Variants in WDFY3 observed in about 807,000 individuals in gnomAD.
The protein encoded by WDFY3 is WD repeat and FYVE domain containing 3, also known as WD repeat and FYVE domain-containing protein 3.
A neutral mutation model predicts 409.6 loss-of-function variants in WDFY3; 66 were observed. The ratio of observed to expected loss-of-function variants is 0.16; its 90% CI spans 0.13 to 0.20. The LOEUF is 0.20. Among genes scored for constraint, WDFY3 ranks in the 10% least tolerant of loss-of-function variants. WDFY3 has a pLI of 1.00. For missense variants in WDFY3, 3,031 were observed against 4,298.1 expected (o/e 0.71, Z 8.24); for synonymous variants, 1,521 against 1,537.1 (o/e 0.99, Z 0.25).
chr4:84,781,195 A>G (rs1746442190), intron 25 of WDFY3, among the ~76,000 whole-genome samples: 1 of 151,504 alleles, frequency 6.6e-6, no homozygotes, highest in African/African-American at 2.4e-5. Flanking sequence ...AAGTTTATAG[A>G]AACACAGTCC....
intron 32 of WDFY3, among the ~76,000 whole-genome samples, chr4:84,763,536 T>C (rs1364062626): frequency 6.6e-6 from 1 of 151,170 alleles, no homozygotes; most frequent in Admixed American, 6.6e-5. Flanking sequence ...ATCCCAGAAA[T>C]TAAAGTAAAA....
chr4:84,850,060 T>G, intron 4 of WDFY3, 35 bp from the exon 5 acceptor site: 1 of 1,538,532 alleles, frequency 6.5e-7, no homozygotes, highest in Middle Eastern at 1.8e-4. Context: ...AATGAAGCAC[T>G]GACAAATTTT....
At chr4:84,786,582 G>C (rs920211863) in intron 23 of WDFY3, among the ~76,000 whole-genome samples, 1 of 152,174 alleles carries the variant, frequency 6.6e-6, no homozygotes, top group Non-Finnish European at 1.5e-5. Context: ...ATTAATAAAG[G>C]CATGTGTTTT....
intron 3 of WDFY3, among the ~76,000 whole-genome samples, chr4:84,881,881 CAA>C (rs1360342578): frequency 8.5e-5 from 10 of 117,638 alleles, no homozygotes; most frequent in Admixed American, 2.6e-4. Flanking sequence ...ACCCTGTCTC[CAA>C]AAAAAAAAAA....
chr4:84,756,330 A>G (rs528826915), intron 33 of WDFY3, among the ~76,000 whole-genome samples: 1 of 152,232 alleles, frequency 6.6e-6, no homozygotes, highest in Non-Finnish European at 1.5e-5. Context: ...CGCGCCTGTA[A>G]TCCCAGCACT....
At position 84,919,429 on chromosome 4, in the gene WDFY3, T is replaced by C. The variant is rs181973043; in HGVS notation, c.-132+12841A>G. On this transcript the variant is annotated intron_variant, in intron 2 of 67. Transcript: ENST00000295888. ...GTTATGAGGAGCTGTATATTTTAAC[T>C]GTCTTAAAGTGTCTCCCTCCCAGTA... 5.9e-5 allele frequency among the ~76,000 whole-genome samples: 9 copies of C among 152,084 alleles called. 1 individual carries two copies. Among genetic ancestry groups the C allele is most frequent in the Admixed American group, 4.6e-4 (7 of 15,268 alleles).
chr4:84,854,703 C>T (rs1332715988), intron 4 of WDFY3, among the ~76,000 whole-genome samples: 2 of 152,036 alleles, frequency 1.3e-5, no homozygotes, highest in Non-Finnish European at 2.9e-5. Flanking sequence ...TGAGGTCAGG[C>T]GTTGAGACCA....
intron 10 of WDFY3, among the ~76,000 whole-genome samples, chr4:84,823,233 T>C (rs1371043174): frequency 6.6e-6 from 1 of 152,160 alleles, no homozygotes; most frequent in Non-Finnish European, 1.5e-5. Context: ...TCTTGGCACA[T>C]TCAGATACCC....
At chr4:84,781,392 G>GTTTTTTTT (rs1299711060) in intron 25 of WDFY3, among the ~76,000 whole-genome samples, 6 of 126,972 alleles carry the variant, frequency 4.7e-5, no homozygotes, top group Non-Finnish European at 6.9e-5. Flanking sequence ...TTTCCCTTTT[G>GTTTTTTTT]TTTTTTTTTT....
At chr4:84,727,410 T>C (rs138353454) in intron 44 of WDFY3, among the ~76,000 whole-genome samples, 135 of 152,282 alleles carry the variant, frequency 8.9e-4, no homozygotes, top group Admixed American at 1.4e-3. Context: ...CATCATTCTC[T>C]TTAAGAATCC....
At chr4:84,862,178 A>G (rs140472361) in intron 3 of WDFY3, among the ~76,000 whole-genome samples, 75 of 152,378 alleles carry the variant, frequency 4.9e-4, no homozygotes, top group African/African-American at 1.7e-3. Flanking sequence ...GACTACGGGC[A>G]TATGCTGAGG....
chr4:84,784,757 G>C (rs1747165267), intron 24 of WDFY3, among the ~76,000 whole-genome samples: 1 of 149,934 alleles, frequency 6.7e-6, no homozygotes, highest in Admixed American at 6.7e-5. Flanking sequence ...AGAATCACTT[G>C]AACCCAGGAG....
chr4:84,918,832 TATATATACACACACACAC>T (rs1166026319), intron 2 of WDFY3, among the ~76,000 whole-genome samples: 1 of 150,484 alleles, frequency 6.6e-6, no homozygotes, highest in Non-Finnish European at 1.5e-5. Context: ...TATATAGATA[TATATATACACACACACAC>T]ATATATATAT....
At chr4:84,751,788 A>G (rs142125097) in intron 35 of WDFY3, 72 bp from the exon 36 acceptor site, 12 of 1,529,546 alleles carry the variant, frequency 7.8e-6, no homozygotes, top group Non-Finnish European at 9.9e-6. Flanking sequence ...GTTTCCTAAA[A>G]ATAAAACTGG....
intron 44 of WDFY3, among the ~76,000 whole-genome samples, chr4:84,729,210 C>T (rs1010484934): frequency 7.2e-5 from 11 of 151,754 alleles, no homozygotes; most frequent in African/African-American, 2.7e-4. Flanking sequence ...GAATTAAAGC[C>T]TAGTTAATAT....
At chr4:84,913,961 T>C (rs534146789) in intron 2 of WDFY3, among the ~76,000 whole-genome samples, 1 of 152,252 alleles carries the variant, frequency 6.6e-6, no homozygotes, top group South Asian at 2.1e-4. Context: ...TGAAGACCTT[T>C]ATGATGATCC....
rs777470490 is a variant in WDFY3 at position 84,739,106 on chromosome 4, A to G, written c.6478T>C (p.Phe2160Leu). 1 of 1,614,014 alleles carries G rather than the reference A, an allele frequency of 6.2e-7. No homozygotes were observed. The highest frequency in any genetic ancestry group is 8.5e-7 in the Non-Finnish European group (1 of 1,179,930). Residue 2160 changes from phenylalanine to leucine, a missense_variant, in exon 40 of 68, where the codon TTT becomes CTT. Phe to Leu is a conservative substitution (Grantham distance 22). This residue lies in a region of WDFY3 where 314 missense variants were observed against 397.4 expected (regional missense o/e 0.79). Transcript: ENST00000295888. ...ATGCGGGCTTCTGCTTCCAGTCCAAATCCATCCACGTTGCTGAAAAATTCC... is the reference window on the plus strand; with the variant it reads ...ATGCGGGCTTCTGCTTCCAGTCCAAGTCCATCCACGTTGCTGAAAAATTCC... ...NLHVGSNVDG[F>L]GLEAEARMTT...
intron 12 of WDFY3, among the ~76,000 whole-genome samples, chr4:84,819,606 A>T (rs1324580212): frequency 6.6e-6 from 1 of 152,104 alleles, no homozygotes; most frequent in Non-Finnish European, 1.5e-5. Context: ...TAAAAGAGAA[A>T]TTGAGACCAA....
At chr4:84,824,836 T>A (rs1207229340) in intron 10 of WDFY3, among the ~76,000 whole-genome samples, 1 of 152,190 alleles carries the variant, frequency 6.6e-6, no homozygotes, top group Admixed American at 6.5e-5. Flanking sequence ...ATCCTTGCAA[T>A]AATGCTAAAA....
Sources: allele counts gnomAD v4.1 joint callset (sites outside exome capture counted in the v4.1 genomes callset), GRCh38; gene constraint gnomAD v4.1.1; regional missense constraint gnomAD v4.1.1; transcripts MANE v1.5; gene names NCBI Gene and HGNC (gene_info 2026-07-23, HGNC 2026-07-21).